TENM4: variants seen among roughly 807,000 people sequenced by gnomAD.
TENM4 encodes the protein teneurin-4.
In TENM4, 82 loss-of-function variants were observed where a neutral mutation model predicts 243.3. That is an observed-to-expected ratio of 0.34 (90% CI 0.28 to 0.40). TENM4 has a LOEUF of 0.40. TENM4 is among the 10% of genes least tolerant of loss of function. TENM4 has a pLI of 1.00. For missense variants in TENM4, 3,138 were observed against 3,673.3 expected (o/e 0.85, Z 3.77); for synonymous variants, 1,412 against 1,456.3 (o/e 0.97, Z 0.69).
chr11:78,860,691 A>G (rs1858798031), intron 10 of TENM4, among the ~76,000 whole-genome samples: 1 of 152,234 alleles, frequency 6.6e-6, no homozygotes, highest in Admixed American at 6.5e-5. Flanking sequence ...AACTATAGGA[A>G]GCTTTGTCCT....
intron 2 of TENM4, among the ~76,000 whole-genome samples, chr11:79,225,963 C>T (rs1352727714): frequency 2.0e-5 from 3 of 152,178 alleles, no homozygotes; most frequent in Non-Finnish European, 4.4e-5. Flanking sequence ...AGCTGATGGA[C>T]AAACAGGCCC....
At chr11:79,422,550 T>G (rs75903157) in intron 1 of TENM4, among the ~76,000 whole-genome samples, 1,907 of 152,278 alleles carry the variant, frequency 0.013, 38 homozygotes, top group African/African-American at 0.043. Context: ...CAGTCAATGT[T>G]TGTCTGCCTC....
chr11:78,942,813 C>CA (rs35375685), intron 6 of TENM4, among the ~76,000 whole-genome samples: 2,455 of 111,770 alleles, frequency 0.022, 33 homozygotes, highest in East Asian at 0.096. Flanking sequence ...TCATGACAGA[C>CA]AAAAAAAAAA....
chr11:79,060,660 G>A (rs1362431190), intron 6 of TENM4, among the ~76,000 whole-genome samples: 2 of 152,220 alleles, frequency 1.3e-5, no homozygotes, highest in African/African-American at 2.4e-5. Flanking sequence ...GCAGGCAAAG[G>A]ACTCAGAGAA....
At chr11:78,665,317 G>T (rs1339839368) in intron 32 of TENM4, among the ~76,000 whole-genome samples, 2 of 149,962 alleles carry the variant, frequency 1.3e-5, no homozygotes, top group African/African-American at 2.5e-5. Flanking sequence ...TGTCACCCAG[G>T]CTGGAGTGCA....
At position 78,702,107 on chromosome 11, in the gene TENM4, C is replaced by T. The variant is rs760392782; in HGVS notation, c.4506G>A (p.Glu1502=). 2.5e-6 allele frequency: 4 copies of T among 1,613,992 alleles called. No homozygotes were observed. The highest frequency in any genetic ancestry group is 3.4e-6 in the Non-Finnish European group (4 of 1,179,888). ...NRIRQVTTSG[E]ISLVAGAPSG... is the part of the protein sequence containing the mutation. ...TGGGGGCCCCAGCAACGAGTGAGATCTCTCCACTAGTGGTGACCTGCCTGA... is the reference window on the plus strand; with the variant it reads ...TGGGGGCCCCAGCAACGAGTGAGATTTCTCCACTAGTGGTGACCTGCCTGA... Residue 1502 remains glutamate (E), a synonymous_variant, in exon 28 of 34, where the codon GAG becomes GAA. Coordinates refer to ENST00000278550, the MANE Select transcript of TENM4 (RefSeq NM_001098816.3).
At chr11:78,969,576 T>A (rs1433085431) in intron 6 of TENM4, among the ~76,000 whole-genome samples, 4 of 152,214 alleles carry the variant, frequency 2.6e-5, no homozygotes, top group Non-Finnish European at 4.4e-5. Context: ...TTTTAACACT[T>A]TGCTCAGCAG....
chr11:78,805,278 C>CACCCCCCCCCCCCA lies in TENM4; in HGVS notation c.2179+13_2179+14insTGGGGGGGGGGGGT. The CACCCCCCCCCCCCA allele has an allele frequency of 6.9e-7, 1 of 1,442,340 alleles. No individual in the cohort carries two copies. Among genetic ancestry groups the CACCCCCCCCCCCCA allele is most frequent in the Non-Finnish European group, 9.4e-7 (1 of 1,063,264 alleles). The allele number at this position is 1,442,340 out of a possible 1,614,324, so 89.3% of individuals were successfully genotyped here. A position where few individuals can be genotyped will look rare whatever the true frequency, so the allele number is the denominator to read the frequency against. On this transcript the variant is annotated intron_variant, in intron 15 of 33. Transcript: ENST00000278550. ...CCCTCCCTCTACCCATGCTTCTTCT[C>CACCCCCCCCCCCCA]CCCCTGCATTTACCGATAGAACAGT...
chr11:78,883,129 G>T (rs190336225), intron 9 of TENM4, among the ~76,000 whole-genome samples: 1 of 152,334 alleles, frequency 6.6e-6, no homozygotes, highest in East Asian at 1.9e-4. Context: ...CCAAGGACGG[G>T]TAACAACCAT....
chr11:79,328,231 A>C (rs1204019393), intron 1 of TENM4, among the ~76,000 whole-genome samples: 1 of 152,204 alleles, frequency 6.6e-6, no homozygotes, highest in East Asian at 1.9e-4. Flanking sequence ...GATGGTTCTC[A>C]TTCAACTAAT....
chr11:79,164,963 G>A (rs200713195), intron 3 of TENM4, among the ~76,000 whole-genome samples: 14,148 of 140,880 alleles, frequency 0.1, 789 homozygotes, highest in African/African-American at 0.12. Context: ...ATATATGTGT[G>A]TGTGTGTGTG....
intron 12 of TENM4, among the ~76,000 whole-genome samples, chr11:78,841,460 G>A (rs1461813446): frequency 1.3e-5 from 2 of 152,168 alleles, no homozygotes; most frequent in Middle Eastern, 3.2e-3. Flanking sequence ...CTGACCCTGA[G>A]ATCAGTGTGA....
intron 19 of TENM4, among the ~76,000 whole-genome samples, chr11:78,742,463 G>A (rs1855951274): frequency 6.6e-6 from 1 of 152,196 alleles, no homozygotes; most frequent in Non-Finnish European, 1.5e-5. Flanking sequence ...TTCCAGAAAT[G>A]TATGAATTAC....
intron 1 of TENM4, among the ~76,000 whole-genome samples, chr11:79,418,183 G>A (rs550688737): frequency 9.9e-5 from 15 of 152,002 alleles, no homozygotes; most frequent in African/African-American, 2.7e-4. Context: ...TATTCTAGCC[G>A]CATTTCAAGG....
chr11:78,675,962 G>A (rs1858457716), intron 30 of TENM4, among the ~76,000 whole-genome samples, 190 bp downstream of exon 30: 1 of 152,172 alleles, frequency 6.6e-6, no homozygotes, highest in African/African-American at 2.4e-5. Context: ...ACCAAAGCCA[G>A]TAGTCTTTCC....
chr11:78,894,603 C>A (rs188081203), intron 7 of TENM4, among the ~76,000 whole-genome samples: 12 of 151,628 alleles, frequency 7.9e-5, no homozygotes, highest in African/African-American at 2.4e-4. Flanking sequence ...AAGAGGGTGC[C>A]CCAGTCTCCT....
chr11:78,868,600 A>T (rs1859046988), intron 9 of TENM4, among the ~76,000 whole-genome samples: 7 of 152,226 alleles, frequency 4.6e-5, no homozygotes, highest in Admixed American at 4.6e-4. Context: ...GACATTTTAA[A>T]GAAAGGCTCC....
intron 2 of TENM4, among the ~76,000 whole-genome samples, chr11:79,235,061 C>T (rs193067388): frequency 1.3e-5 from 2 of 152,240 alleles, no homozygotes; most frequent in African/African-American, 4.8e-5. Flanking sequence ...TGCCTGCAAT[C>T]CCAGCACTTT....
intron 1 of TENM4, among the ~76,000 whole-genome samples, chr11:79,408,515 A>G (rs192221583): frequency 3.9e-5 from 6 of 152,246 alleles, no homozygotes; most frequent in Non-Finnish European, 5.9e-5. Flanking sequence ...TGAGGATTAC[A>G]TTAAACAAGA....
Sources: gnomAD v4.1 joint callset for allele counts (sites outside exome capture counted in the v4.1 genomes callset) on GRCh38, gnomAD v4.1.1 for gene constraint, MANE v1.5 for transcripts, NCBI Gene and HGNC (gene_info 2026-07-23, HGNC 2026-07-21) for gene names.